Variants in DPP6 observed in about 807,000 individuals in gnomAD.
DPP6 encodes the protein dipeptidyl peptidase like 6.
A neutral mutation model predicts 122.6 loss-of-function variants in DPP6; 69 were observed. The observed-to-expected ratio is 0.56, with a 90% CI of 0.46 to 0.69. DPP6 has a LOEUF of 0.69. Ranked by LOEUF, DPP6 falls within the 30% of genes least tolerant of loss-of-function variation. DPP6 has a pLI of 0.00. For synonymous variants in DPP6, 418 were observed against 433.1 expected (o/e 0.97, Z 0.43); for missense variants, 928 against 1,116.9 (o/e 0.83, Z 2.41).
chr7:154,292,503 C>G (rs553803820), intron 1 of DPP6, among the ~76,000 whole-genome samples: 1 of 152,290 alleles, frequency 6.6e-6, no homozygotes, highest in South Asian at 2.1e-4. Flanking sequence ...TGTGCTTTTT[C>G]CCATTGCACC....
intron 1 of DPP6, among the ~76,000 whole-genome samples, chr7:154,208,506 A>T (rs1799573887): frequency 1.3e-5 from 2 of 152,044 alleles, no homozygotes; most frequent in African/African-American, 4.8e-5. Context: ...GTTATATTCC[A>T]CTCTGCCCAA....
At chr7:154,423,990 A>G (rs1376284226) in intron 1 of DPP6, among the ~76,000 whole-genome samples, 2 of 152,190 alleles carry the variant, frequency 1.3e-5, no homozygotes, top group Non-Finnish European at 2.9e-5. Flanking sequence ...CTCCTATGGA[A>G]AAAATAATTG....
chr7:154,231,454 A>G (rs956352591), intron 1 of DPP6, among the ~76,000 whole-genome samples: 1 of 152,212 alleles, frequency 6.6e-6, no homozygotes, highest in Non-Finnish European at 1.5e-5. Flanking sequence ...CAGTATGATT[A>G]GAACCACGAT....
At position 154,833,557 on chromosome 7, in the gene DPP6, A is replaced by G. The variant is rs1800803245; in HGVS notation, c.1667-20223A>G. 6.6e-6 allele frequency among the ~76,000 whole-genome samples: 1 copy of G among 152,124 alleles called. No homozygotes were observed. The highest frequency in any genetic ancestry group is 2.1e-4 in the South Asian group (1 of 4,826). On this transcript the variant is annotated intron_variant, in intron 16 of 25. Coordinates refer to ENST00000377770, the MANE Select transcript of DPP6 (RefSeq NM_130797.4). The surrounding 1 kb of genome is among the most constrained non-coding windows in gnomAD (Gnocchi z 4.3). ...GACCTGTTGCTGGTAGACGGTGGTGATGCTGGAGGGGATGCTGACATTGAT... is the reference window on the plus strand; with the variant it reads ...GACCTGTTGCTGGTAGACGGTGGTGGTGCTGGAGGGGATGCTGACATTGAT...
At chr7:154,461,104 A>T (rs909993718) in intron 2 of DPP6, among the ~76,000 whole-genome samples, 2 of 151,926 alleles carry the variant, frequency 1.3e-5, no homozygotes, top group African/African-American at 2.4e-5. Context: ...CATGCCAAGT[A>T]TGTCTTTCTG....
intron 1 of DPP6, among the ~76,000 whole-genome samples, chr7:154,204,585 C>T (rs78378114): frequency 2.0e-4 from 31 of 152,294 alleles, no homozygotes; most frequent in African/African-American, 5.8e-4. Flanking sequence ...TTGGAAGGGA[C>T]GCTGCTCAGA....
At chr7:154,786,815 G>A (rs551537975) in intron 10 of DPP6, among the ~76,000 whole-genome samples, 12 of 151,988 alleles carry the variant, frequency 7.9e-5, no homozygotes, top group South Asian at 6.2e-4. Flanking sequence ...ACTTATCACC[G>A]TTTCATCCAT....
intron 17 of DPP6, among the ~76,000 whole-genome samples, chr7:154,866,564 C>A (rs544818062): frequency 1.3e-5 from 2 of 152,218 alleles, no homozygotes; most frequent in African/African-American, 2.4e-5. Context: ...ACTGCAGACA[C>A]CCCTTGCAGA....
chr7:153,790,371 TTC>T, the DPP6 span, among the ~76,000 whole-genome samples: 1 of 152,290 alleles, frequency 6.6e-6, no homozygotes, highest in Admixed American at 6.5e-5. Flanking sequence ...TAAAATAAAT[TTC>T]TGTCATTGTG....
rs577015023 is a variant in DPP6, at chr7:154,709,395, G to A, written c.763-18372G>A. ...GTTGTTGTTGTTGTCGTTGCTATTTGTTTTTGTAGAGATGGAGTCTTACCG... is the reference window on the plus strand; with the variant it reads ...GTTGTTGTTGTTGTCGTTGCTATTTATTTTTGTAGAGATGGAGTCTTACCG... On this transcript the variant is annotated intron_variant, in intron 7 of 25. Coordinates refer to ENST00000377770, the MANE Select transcript of DPP6 (RefSeq NM_130797.4). 2.6e-5 allele frequency among the ~76,000 whole-genome samples: 4 copies of A among 151,966 alleles called. 1 individual carries two copies. The highest frequency in any genetic ancestry group is 9.6e-5 in the African/African-American group (4 of 41,474).
intron 8 of DPP6, among the ~76,000 whole-genome samples, chr7:154,751,184 G>A (rs1843363161): frequency 6.6e-6 from 1 of 152,168 alleles, no homozygotes. Context: ...TCTGCTGTCA[G>A]CAGCTTTAAA....
At chr7:153,897,048 T>C (rs1039587234) in intron 1 of DPP6, among the ~76,000 whole-genome samples, 3 of 152,200 alleles carry the variant, frequency 2.0e-5, no homozygotes, top group Non-Finnish European at 4.4e-5. Flanking sequence ...TGATAACTTA[T>C]AGTTGTAGAG....
the DPP6 span, among the ~76,000 whole-genome samples, chr7:153,802,332 A>G: frequency 6.6e-6 from 1 of 152,170 alleles, no homozygotes; most frequent in Admixed American, 6.5e-5. Context: ...ACCTGTGCCT[A>G]CTGGTGGGGA....
chr7:153,958,903 AAC>A (rs957842054), intron 1 of DPP6, among the ~76,000 whole-genome samples: 26 of 151,800 alleles, frequency 1.7e-4, no homozygotes, highest in African/African-American at 6.0e-4. Flanking sequence ...AAGCGCTTGG[AAC>A]ACAGTCTGCT....
chr7:154,491,381 C>G (rs1051015379), intron 3 of DPP6, among the ~76,000 whole-genome samples: 2 of 152,178 alleles, frequency 1.3e-5, no homozygotes, highest in Non-Finnish European at 2.9e-5. Context: ...TCCTTACTCC[C>G]TGATTGCTCA....
At chr7:154,248,790 C>G (rs1432490060) in intron 1 of DPP6, among the ~76,000 whole-genome samples, 1 of 151,808 alleles carries the variant, frequency 6.6e-6, no homozygotes, top group Non-Finnish European at 1.5e-5. Context: ...CGTTTGAACC[C>G]AGGAGACGGA....
chr7:154,363,760 G>A (rs1811929511), intron 1 of DPP6, among the ~76,000 whole-genome samples: 1 of 152,166 alleles, frequency 6.6e-6, no homozygotes, highest in Non-Finnish European at 1.5e-5. Flanking sequence ...TAGCTAACAT[G>A]TGCTCTTATT....
At chr7:153,883,679 C>A (rs565866905), upstream of DPP6, among the ~76,000 whole-genome samples, 44 of 152,348 alleles carry the variant, frequency 2.9e-4, no homozygotes, top group Non-Finnish European at 5.1e-4. Flanking sequence ...CGCACCTGGA[C>A]CTGTCTTTCT....
At chr7:153,867,181 G>A in the DPP6 span, among the ~76,000 whole-genome samples, 2 of 152,156 alleles carry the variant, frequency 1.3e-5, no homozygotes, top group Admixed American at 1.3e-4. Flanking sequence ...TTCCAATTCT[G>A]TGAAGAAAGT....
Sources: allele counts gnomAD v4.1 joint callset (sites outside exome capture counted in the v4.1 genomes callset), GRCh38; gene constraint gnomAD v4.1.1; non-coding constraint Gnocchi (gnomAD v3.1); transcripts MANE v1.5; gene names NCBI Gene and HGNC (gene_info 2026-07-23, HGNC 2026-07-21).